Variants in SLC25A23 observed in about 807,000 individuals in gnomAD.
The protein encoded by SLC25A23 is solute carrier family 25 member 23.
A neutral mutation model predicts 53.9 loss-of-function variants in SLC25A23; 32 were observed. The ratio of observed to expected loss-of-function variants is 0.59; its 90% confidence interval spans 0.45 to 0.80. SLC25A23 has a LOEUF of 0.80. Among genes scored for constraint, SLC25A23 ranks in the 30% least tolerant of loss-of-function variants. The probability of loss-of-function intolerance (pLI) is 0.00; values close to 1 mark genes in which losing one functional copy is unlikely to be tolerated. For synonymous variants in SLC25A23, 275 were observed against 264.5 expected (o/e 1.04, Z -0.38); for missense variants, 575 against 651.4 (o/e 0.88, Z 1.28).
rs776075903 is a variant in SLC25A23 at position 6,454,418 on chromosome 19, G to A, written c.700C>T (p.Leu234Phe). The A allele has an allele frequency of 6.1e-5, 98 of 1,614,060 alleles. No individual in the cohort carries two copies. The highest frequency in any genetic ancestry group is 8.0e-5 in the Non-Finnish European group (94 of 1,180,052). ...CACAGGGAGCGGATGCCTCCCTCAA[G>A]GACCATGCTTCGAAGCCCCCCAAGG... ...NILGGLRSMV[L>F]EGGIRSLWRG... The change falls in exon 6 of 10, where the codon CTT becomes TTT. Residue 234 changes from leucine to phenylalanine, a missense_variant. By Grantham distance (22) the Leu-to-Phe change is conservative. Coordinates refer to ENST00000301454, the MANE Select transcript of SLC25A23 (RefSeq NM_024103.3). The surrounding 1 kb of genome is among the most constrained non-coding windows in gnomAD (Gnocchi z 4.3).
downstream of SLC25A23, chr19:6,436,562 T>C (rs1288794956): frequency 1.5e-5 from 6 of 411,652 alleles, no homozygotes; most frequent in Non-Finnish European, 2.4e-5. Context: ...TTTTTTTTTT[T>C]CTTTGAGACA....
At chr19:6,455,361 C>T (rs1412915833) in intron 4 of SLC25A23, among the ~76,000 whole-genome samples, 1 of 152,052 alleles carries the variant, frequency 6.6e-6, no homozygotes, top group Non-Finnish European at 1.5e-5. Flanking sequence ...CAAAAGATCC[C>T]TTCAGGGCCA....
At chr19:6,458,133 C>A (rs1399939341) in intron 2 of SLC25A23, 65 bp downstream of exon 2, 2 of 1,577,646 alleles carry the variant, frequency 1.3e-6, no homozygotes, top group African/African-American at 2.7e-5. Context: ...TCTAACCCCA[C>A]TGATGTCTCT....
At chr19:6,453,040 G>A (rs1244494418) in intron 7 of SLC25A23, among the ~76,000 whole-genome samples, 1 of 152,174 alleles carries the variant, frequency 6.6e-6, no homozygotes, top group Non-Finnish European at 1.5e-5. Context: ...ATCCTTAGAG[G>A]TGGGGAGGTG....
At chr19:6,451,716 A>G (rs151152231) in intron 8 of SLC25A23, among the ~76,000 whole-genome samples, 251 of 152,308 alleles carry the variant, frequency 1.6e-3, no homozygotes, top group Non-Finnish European at 2.9e-3. Context: ...TCTTATGGTA[A>G]CAGCAGATGC....
Position 6,445,155 on chromosome 19 carries a change from G to C in SLC25A23, c.1072-854C>G, listed in dbSNP as rs942429289. On this transcript the variant is annotated intron_variant, in intron 8 of 9. Coordinates refer to ENST00000301454, the MANE Select transcript of SLC25A23 (RefSeq NM_024103.3). ...ACGGAGTTTCGTTCTCGTTGCCCAG[G>C]CAGGAGTGCAATGGTGCAATCTCGG... is the stretch of plus-strand genomic sequence containing the variant. 4.0e-5 allele frequency among the ~76,000 whole-genome samples: 6 copies of C among 151,384 alleles called. No individual in the cohort carries two copies. In the South Asian group the frequency reaches 1.0e-3, roughly 26 times the overall value.
intron 7 of SLC25A23, among the ~76,000 whole-genome samples, chr19:6,452,763 G>A (rs996489836): frequency 7.2e-5 from 11 of 152,102 alleles, no homozygotes; most frequent in South Asian, 6.2e-4. Context: ...TACTTTGCCC[G>A]TGCTGGTCTC....
At chr19:6,451,547 C>G (rs761811247) in intron 8 of SLC25A23, among the ~76,000 whole-genome samples, 1 of 152,134 alleles carries the variant, frequency 6.6e-6, no homozygotes, top group Non-Finnish European at 1.5e-5. Flanking sequence ...TTGGGGGGAA[C>G]GCTTGGGGAC....
chr19:6,443,717 T>G (rs2092460603), intron 9 of SLC25A23: 2 of 678,168 alleles, frequency 2.9e-6, no homozygotes. Flanking sequence ...CAAAACAGAT[T>G]CAGGGAGAAT....
chr19:6,447,982 A>G (rs2092530751), intron 8 of SLC25A23, among the ~76,000 whole-genome samples: 1 of 152,008 alleles, frequency 6.6e-6, no homozygotes, highest in African/African-American at 2.4e-5. Context: ...TATTATCTCT[A>G]TTTTATAGAA....
At chr19:6,451,396 AT>A (rs764755958) in intron 8 of SLC25A23, among the ~76,000 whole-genome samples, 2,201 of 152,160 alleles carry the variant, frequency 0.014, 49 homozygotes, top group African/African-American at 0.051. Context: ...TCTCAAAAAA[AT>A]AAATAAATAA....
chr19:6,449,362 C>T (rs1417102984), intron 8 of SLC25A23, among the ~76,000 whole-genome samples: 1 of 151,466 alleles, frequency 6.6e-6, no homozygotes, highest in Admixed American at 6.6e-5. Context: ...AAGCAATTCT[C>T]CCATCTCAGC....
chr19:6,451,384 C>T (rs564161534), intron 8 of SLC25A23, among the ~76,000 whole-genome samples: 50 of 151,986 alleles, frequency 3.3e-4, no homozygotes, highest in Admixed American at 3.0e-3. Flanking sequence ...AGCGAGACTC[C>T]GTCTCAAAAA....
chr19:6,441,822 C>CATGACCCA lies in SLC25A23; in HGVS notation c.*145_*152dup. 1.5e-6 allele frequency: 1 copy of CATGACCCA among 651,388 alleles called. No individual in the cohort carries two copies. The allele number at this position is 651,388 out of a possible 1,614,324, so 40.4% of individuals were successfully genotyped here. A position where few individuals can be genotyped will look rare whatever the true frequency, so the allele number is the denominator to read the frequency against. On this transcript the variant is annotated 3_prime_UTR_variant, in exon 10 of 10. Coordinates refer to ENST00000301454, the MANE Select transcript of SLC25A23 (RefSeq NM_024103.3). Reference sequence around the variant, plus strand: ...ATCCAGGATCTGGATGCTGGGATCCCATGACCCAATGGTTGGGGCATAGGA... The same window carrying CATGACCCA: ...ATCCAGGATCTGGATGCTGGGATCCCATGACCCAATGACCCAATGGTTGGGGCATAGGA...
chr19:6,447,693 C>T (rs1488102934), intron 8 of SLC25A23, among the ~76,000 whole-genome samples: 5 of 151,660 alleles, frequency 3.3e-5, no homozygotes, highest in East Asian at 3.9e-4. Flanking sequence ...TTTTTTGAGA[C>T]GGAGTCTCGT....
intron 4 of SLC25A23, chr19:6,456,201 G>A (rs1165491418): frequency 2.5e-6 from 3 of 1,195,450 alleles, no homozygotes; most frequent in African/African-American, 1.5e-5. Context: ...TAAGTCTCAA[G>A]GGCTGCGCTT....
Position 6,454,142 on chromosome 19 carries a change from G to A in SLC25A23, c.796-54C>T. 1 of 1,555,384 alleles carries A rather than the reference G, an allele frequency of 6.4e-7. No individual in the cohort carries two copies. The highest frequency in any genetic ancestry group is 1.2e-5 in the South Asian group (1 of 84,900). On this transcript the variant is annotated intron_variant, in intron 6 of 9. Transcript: ENST00000301454. This position sits in a 1 kb window ranked among gnomAD's most constrained non-coding sequence, Gnocchi z 4.3. The stretch of plus-strand genomic sequence containing the variant: ...GGACCATGGGGGTTGAACCTTCCTT[G>A]CACTCCACTGTTCTCCTGGCTTCCA...
At chr19:6,438,726 GT>G, downstream of SLC25A23, 1 of 280,170 alleles carries the variant, frequency 3.6e-6, no homozygotes, top group Non-Finnish European at 7.6e-6. Context: ...GTGCGCACCT[GT>G]AATACCAGCT....
At chr19:6,439,193 C>T (rs1341558755), downstream of SLC25A23, among the ~76,000 whole-genome samples, 1 of 152,020 alleles carries the variant, frequency 6.6e-6, no homozygotes, top group Non-Finnish European at 1.5e-5. Context: ...GCACTCCAGC[C>T]TGGGTGACAG....
Sources: gnomAD v4.1 joint callset for allele counts (sites outside exome capture counted in the v4.1 genomes callset) on GRCh38, gnomAD v4.1.1 for gene constraint, Gnocchi (gnomAD v3.1) non-coding constraint, MANE v1.5 for transcripts, NCBI Gene and HGNC (gene_info 2026-07-23, HGNC 2026-07-21) for gene names.